The following SAP30L variants were observed in gnomAD, a reference collection of about 807,000 sequenced individuals.
SAP30L encodes the protein SAP30 like.
SAP30L carries 10 observed loss-of-function variants against 22.3 expected under a neutral mutation model. The ratio of observed to expected loss-of-function variants is 0.45; its 90% CI spans 0.28 to 0.76. SAP30L has a LOEUF of 0.76. SAP30L is among the 30% of genes least tolerant of loss of function. The pLI is 0.14. For missense variants in SAP30L, 206 were observed against 237.9 expected, an observed-to-expected ratio of 0.87 and a Z score of 0.88; for synonymous variants, 91 against 94.1, an observed-to-expected ratio of 0.97 and a Z score of 0.19.
chr5:154,446,863 C>T, intron 1 of SAP30L, 58 bp downstream of exon 1: 1 of 1,474,422 alleles, frequency 6.8e-7, no homozygotes, highest in Non-Finnish European at 9.3e-7. Context: ...CGTCCGCTGC[C>T]CTGGGCTCCA....
At chr5:154,450,671 A>G (rs1003577040) in intron 1 of SAP30L, among the ~76,000 whole-genome samples, 1 of 151,938 alleles carries the variant, frequency 6.6e-6, no homozygotes, top group Non-Finnish European at 1.5e-5. Flanking sequence ...TCATCACCCA[A>G]CTGACACTGT....
rs372311493 is a variant in SAP30L, at chr5:154,456,001, A to G, written c.525A>G (p.Lys175=). The G allele has an allele frequency of 9.9e-6, 16 of 1,614,000 alleles. No individual in the cohort carries two copies. The African/African-American group carries it at 1.1e-4, about 11-fold the overall frequency. ...VKSNKSRLDQ[K]SEGGKQLE ...GTAACAAGAGTAGACTGGACCAGAA[A>G]TCGGAGGGTGGCAAGCAGCTTGAGT... Residue 175 remains lysine (K), a synonymous_variant, in exon 4 of 4, where the codon AAA becomes AAG. Transcript: ENST00000297109.
In SAP30L at chr5:154,446,647, C is replaced by G. The variant is rs1757015527; in HGVS notation, c.43C>G (p.Pro15Ala). 2 of 1,535,560 alleles carry G rather than the reference C, an allele frequency of 1.3e-6. No individual in the cohort carries two copies. The highest frequency in any genetic ancestry group is 2.8e-5 in the African/African-American group (2 of 71,540). Reference protein sequence around the residue: ...STEEDSREGPPAAPAAAAPGY... With the variant: ...STEEDSREGPAAAPAAAAPGY... ...GGAGGAGGACAGCCGCGAAGGGCCC[C>G]CCGCCGCCCCAGCTGCCGCCGCCCC... The change falls in exon 1 of 4, where the codon CCC becomes GCC. Residue 15 changes from proline (P) to alanine (A), a missense_variant. Transcript: ENST00000297109.
rs76930432 is a variant in SAP30L, at chr5:154,452,971, G to A, written c.325-431G>A. On this transcript the variant is annotated intron_variant, in intron 2 of 3. Transcript: ENST00000297109. ...ACCACCAGACCCATCCTGCGCCATC[G>A]CCCTCCACCCTCTGTGATAGCTCCT... 166 of 160,700 alleles carry A rather than the reference G, an allele frequency of 1.0e-3. 3 individuals carry two copies. The East Asian group carries it at 0.021, about 20-fold the overall frequency. The allele number at this position is 160,700 out of a possible 1,614,324, so 10.0% of individuals were successfully genotyped here.
chr5:154,455,842 A>G (rs1183711322), intron 3 of SAP30L, 58 bp from the exon 4 acceptor site: 4 of 1,551,874 alleles, frequency 2.6e-6, no homozygotes, highest in African/African-American at 1.4e-5. Context: ...TACAATGTAG[A>G]ATTTGCGGTG....
rs141964479 is a variant in SAP30L, at chr5:154,460,371, C to A, written c.*4343C>A. On this transcript the variant is annotated 3_prime_UTR_variant, in exon 4 of 4. Coordinates refer to ENST00000297109, the MANE Select transcript of SAP30L (RefSeq NM_024632.6). ...CTTGGTCAGATATCTGCCTTCCAGG[C>A]GATCCTTTGAGGTTGTGTAATTCAG... is the stretch of plus-strand genomic sequence containing the variant. The A allele has an allele frequency of 2.0e-5, 3 of 152,256 alleles. No homozygotes were observed. Among genetic ancestry groups the A allele is most frequent in the East Asian group, 3.8e-4 (2 of 5,196 alleles). 9.4% of individuals were successfully genotyped at this position (152,256 alleles called of 1,614,324 possible).
chr5:154,455,815 C>T lies in SAP30L; in HGVS notation c.424-85C>T, dbSNP rs1006979210. ...CATTCCCGCCACAGCATGCAAACAA[C>T]TCCATTCGCTTCTTTGTACAATGTA... is the stretch of plus-strand genomic sequence containing the variant. On this transcript the variant is annotated intron_variant, in intron 3 of 3. Coordinates refer to ENST00000297109, the MANE Select transcript of SAP30L (RefSeq NM_024632.6). 4.8e-6 allele frequency: 7 copies of T among 1,463,292 alleles called. No homozygotes were observed. The African/African-American group carries it at 9.9e-5, about 21-fold the overall frequency. The allele number at this position is 1,463,292 out of a possible 1,614,324, so 90.6% of individuals were successfully genotyped here.
chr5:154,457,934 T>A lies in SAP30L; in HGVS notation c.*1906T>A, dbSNP rs1038315390. 6.6e-6 allele frequency: 1 copy of A among 152,204 alleles called. No homozygotes were observed. Among genetic ancestry groups the A allele is most frequent in the African/African-American group, 2.4e-5 (1 of 41,452 alleles). The allele number at this position is 152,204 out of a possible 1,614,324, so 9.4% of individuals were successfully genotyped here. A position where few individuals can be genotyped will look rare whatever the true frequency, so the allele number is the denominator to read the frequency against. On this transcript the variant is annotated 3_prime_UTR_variant, in exon 4 of 4. Coordinates refer to ENST00000297109, the MANE Select transcript of SAP30L (RefSeq NM_024632.6). ...ATGGGGCCTGCAGGTTAAGGCATTG[T>A]TAACTTGCTCCATGGAAATGTCCAT...
In SAP30L at chr5:154,446,709, C is replaced by A; in HGVS notation, c.105C>A (p.Gly35=). ...AGAGCTGCTGCCTCATCGAGGACGG[C>A]GAGCGCTGCGTCCGGCCCGCGGGCA... ...YGQSCCLIED[G]ERCVRPAGNA... Residue 35 remains glycine, a synonymous_variant, in exon 1 of 4, where the codon GGC becomes GGA. Coordinates refer to ENST00000297109, the MANE Select transcript of SAP30L (RefSeq NM_024632.6). 1 of 1,599,734 alleles carries A rather than the reference C, an allele frequency of 6.3e-7. No homozygotes were observed. The highest frequency in any genetic ancestry group is 1.1e-5 in the South Asian group (1 of 89,914).
rs1279276244 is a variant in SAP30L at position 154,455,991 on chromosome 5, T to C, written c.515T>C (p.Leu172Pro). 2 of 1,613,960 alleles carry C rather than the reference T, an allele frequency of 1.2e-6. No homozygotes were observed. The highest frequency in any genetic ancestry group is 2.7e-5 in the African/African-American group (2 of 74,928). ...ATGGTGAAGAGTAACAAGAGTAGACTGGACCAGAAATCGGAGGGTGGCAAG... is the reference window on the plus strand; with the variant it reads ...ATGGTGAAGAGTAACAAGAGTAGACCGGACCAGAAATCGGAGGGTGGCAAG... ...IYMVKSNKSR[L>P]DQKSEGGKQL... Residue 172 changes from leucine to proline, a missense_variant, in exon 4 of 4, where the codon CTG (leucine) becomes CCG (proline). Leu to Pro is a moderately conservative substitution (Grantham distance 98). Around this residue, in one of 2 missense-constraint regions of SAP30L, gnomAD observed 136 missense variants for 187.4 expected, o/e 0.73. Coordinates refer to ENST00000297109, the MANE Select transcript of SAP30L (RefSeq NM_024632.6).
rs186084825 is a variant in SAP30L, at chr5:154,459,808, T to C, written c.*3780T>C. The stretch of plus-strand genomic sequence containing the variant: ...TGCATGAAGTTTAAAGTTTTCATGG[T>C]TGCCCAGGGCTTGTACCTTAGATTC... On this transcript the variant is annotated 3_prime_UTR_variant, in exon 4 of 4. Coordinates refer to ENST00000297109, the MANE Select transcript of SAP30L (RefSeq NM_024632.6). 1 of 152,388 alleles carries C rather than the reference T, an allele frequency of 6.6e-6. No homozygotes were observed. The highest frequency in any genetic ancestry group is 2.4e-5 in the African/African-American group (1 of 41,598). The allele number at this position is 152,388 out of a possible 1,614,324, so 9.4% of individuals were successfully genotyped here.
chr5:154,453,762 G>A (rs574695658), intron 3 of SAP30L, among the ~76,000 whole-genome samples: 4 of 152,298 alleles, frequency 2.6e-5, no homozygotes, highest in South Asian at 4.1e-4. Context: ...AATTGAGCCT[G>A]GGATCTCATG....
At position 154,459,951 on chromosome 5, in the gene SAP30L, A is replaced by T. The variant is rs763259538; in HGVS notation, c.*3923A>T. 6.6e-6 allele frequency: 1 copy of T among 152,162 alleles called. No homozygotes were observed. The highest frequency in any genetic ancestry group is 2.4e-5 in the African/African-American group (1 of 41,436). The allele number at this position is 152,162 out of a possible 1,614,324, so 9.4% of individuals were successfully genotyped here. On this transcript the variant is annotated 3_prime_UTR_variant, in exon 4 of 4. Coordinates refer to ENST00000297109, the MANE Select transcript of SAP30L (RefSeq NM_024632.6). ...AGTCTGTTAAGCTTGCTGTTGTCCA[A>T]TCATCCGTTTTTAGAGATGGGGAAA... is the stretch of plus-strand genomic sequence containing the variant.
In SAP30L at chr5:154,460,970, T is replaced by C. The variant is rs1757361117; in HGVS notation, c.*4942T>C. 1 of 152,236 alleles carries C rather than the reference T, an allele frequency of 6.6e-6. No individual in the cohort carries two copies. Among genetic ancestry groups the C allele is most frequent in the Non-Finnish European group, 1.5e-5 (1 of 68,046 alleles). 9.4% of individuals were successfully genotyped at this position (152,236 alleles called of 1,614,324 possible). A position where few individuals can be genotyped will look rare whatever the true frequency, so the allele number is the denominator to read the frequency against. On this transcript the variant is annotated 3_prime_UTR_variant, in exon 4 of 4. Transcript: ENST00000297109. ...TCAATTCTGTGGGGTCTCCTTAGTA[T>C]GTATGTGACTTTTCATGTTGCAATA...
At chr5:154,450,964 C>A in intron 1 of SAP30L, 127 bp from the exon 2 acceptor site, 1 of 973,070 alleles carries the variant, frequency 1.0e-6, no homozygotes. Context: ...GGAATGATGG[C>A]CTACATCTTG....
At chr5:154,455,099 G>A (rs1757235555) in intron 3 of SAP30L, among the ~76,000 whole-genome samples, 1 of 152,084 alleles carries the variant, frequency 6.6e-6, no homozygotes, top group Non-Finnish European at 1.5e-5. Flanking sequence ...TGTATTTTTA[G>A]TAGAGGCTGG....
Position 154,446,627 on chromosome 5 carries a change from AG to A in SAP30L, c.25del (p.Asp9ThrfsTer60). 1 of 1,522,140 alleles carries A rather than the reference AG, an allele frequency of 6.6e-7. No individual in the cohort carries two copies. The highest frequency in any genetic ancestry group is 8.8e-7 in the Non-Finnish European group (1 of 1,137,796). 94.3% of individuals were successfully genotyped at this position (1,522,140 alleles called of 1,614,324 possible). A position where few individuals can be genotyped will look rare whatever the true frequency, so the allele number is the denominator to read the frequency against. On this transcript the variant is annotated frameshift_variant, in exon 1 of 4. Coordinates refer to ENST00000297109, the MANE Select transcript of SAP30L (RefSeq NM_024632.6). LOFTEE classifies it high-confidence loss of function. Reference sequence around the variant, plus strand: ...GAGATGAACGGCTTCAGCACGGAGGAGGACAGCCGCGAAGGGCCCCCCGCCG... The same window carrying A: ...GAGATGAACGGCTTCAGCACGGAGGAGACAGCCGCGAAGGGCCCCCCGCCG... MNGFSTE[E>X]DSREGPPAAP...
intron 1 of SAP30L, among the ~76,000 whole-genome samples, chr5:154,447,329 G>C (rs1276125617): frequency 1.3e-5 from 2 of 152,278 alleles, no homozygotes; most frequent in African/African-American, 2.4e-5. Context: ...GGATGTGGCA[G>C]AAATAAGGCC....
intron 1 of SAP30L, among the ~76,000 whole-genome samples, chr5:154,448,286 C>G (rs1208359355): frequency 6.6e-6 from 1 of 152,168 alleles, no homozygotes; most frequent in Admixed American, 6.5e-5. Flanking sequence ...CCTGTCCTTT[C>G]TTCAGACTCT....
Sources: allele counts gnomAD v4.1 joint callset (sites outside exome capture counted in the v4.1 genomes callset), GRCh38; gene constraint gnomAD v4.1.1; regional missense constraint gnomAD v4.1.1; transcripts MANE v1.5; gene names NCBI Gene and HGNC (gene_info 2026-07-23, HGNC 2026-07-21).